The following ZNF211 variants were observed in gnomAD, a reference collection of about 807,000 sequenced individuals.
The protein encoded by ZNF211 is zinc finger protein C2H2-25.
ZNF211 carries 18 observed loss-of-function variants against 12.1 expected under a neutral mutation model. The ratio of observed to expected loss-of-function variants is 1.48; its 90% CI spans 1.03 to 2.20. The LOEUF (loss-of-function observed/expected upper bound fraction) is 2.20, where lower values mean the gene tolerates loss of function less well. Ranked by LOEUF, ZNF211 falls within the 30% of genes most tolerant of loss-of-function variation. The pLI is 0.00. For missense variants in ZNF211, 677 were observed against 703.1 expected, an observed-to-expected ratio of 0.96 and a Z score of 0.42; for synonymous variants, 249 against 246.0, an observed-to-expected ratio of 1.01 and a Z score of -0.11.
At position 57,642,235 on chromosome 19, in the gene ZNF211, C is replaced by G; in HGVS notation, c.*54C>G. ...AGTGTAATTATACTGAAGGAGTACA[C>G]CTGTGAGAGAGACAAGTACCTGATT... On this transcript the variant is annotated 3_prime_UTR_variant, in exon 4 of 4. Coordinates refer to ENST00000240731, the MANE Select transcript of ZNF211 (RefSeq NM_006385.5). 6.6e-7 allele frequency: 1 copy of G among 1,513,162 alleles called. No individual in the cohort carries two copies. Among genetic ancestry groups the G allele is most frequent in the Non-Finnish European group, 8.8e-7 (1 of 1,130,282 alleles). The allele number at this position is 1,513,162 out of a possible 1,614,324, so 93.7% of individuals were successfully genotyped here.
chr19:57,635,925 C>A (rs546451235), intron 3 of ZNF211, among the ~76,000 whole-genome samples: 1 of 152,258 alleles, frequency 6.6e-6, no homozygotes, highest in African/African-American at 2.4e-5. Flanking sequence ...GATAAGTCAT[C>A]CAAATTGGTG....
chr19:57,635,704 C>A (rs1982039660), intron 3 of ZNF211, among the ~76,000 whole-genome samples: 1 of 152,136 alleles, frequency 6.6e-6, no homozygotes, highest in Non-Finnish European at 1.5e-5. Context: ...CATGGGTGTA[C>A]AGATACGTAT....
At position 57,641,133 on chromosome 19, in the gene ZNF211, A is replaced by G; in HGVS notation, c.686A>G (p.Asn229Ser). The change falls in exon 4 of 4, where the codon AAC becomes AGC. Residue 229 changes from asparagine (N) to serine (S), a missense_variant. Coordinates refer to ENST00000240731, the MANE Select transcript of ZNF211 (RefSeq NM_006385.5). ...TQTGEKPNNSNKCAVAFYSGK... is the reference protein window; with the variant it reads ...TQTGEKPNNSSKCAVAFYSGK... ...ACAGGGGAGAAGCCAAATAACAGTAACAAGTGTGCGGTGGCCTTTTACAGT... is the reference window on the plus strand; with the variant it reads ...ACAGGGGAGAAGCCAAATAACAGTAGCAAGTGTGCGGTGGCCTTTTACAGT... 1 of 1,614,196 alleles carries G rather than the reference A, an allele frequency of 6.2e-7. No individual in the cohort carries two copies. The highest frequency in any genetic ancestry group is 1.1e-5 in the South Asian group (1 of 91,092).
chr19:57,641,795 A>T lies in ZNF211; in HGVS notation c.1348A>T (p.Ser450Cys). ...TAAATGTGGGAAGTCATTTAAGCAA[A>T]GCTCCAGCTTCAGTTCACATCGGAA... ...CSKCGKSFKQ[S>C]SSFSSHRKVH... Residue 450 changes from serine (S) to cysteine (C), a missense_variant, in exon 4 of 4, where the codon AGC becomes TGC. Physicochemically the swap from Ser to Cys is moderately radical, Grantham distance 112 (BLOSUM62 -1). Coordinates refer to ENST00000240731, the MANE Select transcript of ZNF211 (RefSeq NM_006385.5). 1 of 1,613,974 alleles carries T rather than the reference A, an allele frequency of 6.2e-7. No homozygotes were observed. Among genetic ancestry groups the T allele is most frequent in the Non-Finnish European group, 8.5e-7 (1 of 1,179,990 alleles).
Position 57,634,913 on chromosome 19 carries a change from A to G in ZNF211, c.256+158A>G, listed in dbSNP as rs1401172679. ...GACTGAGTGCAAGCCTACTTCCCTT[A>G]TCGTCCCAGCCCAAAAGCATCTTGG... On this transcript the variant is annotated intron_variant, in intron 3 of 3. Coordinates refer to ENST00000240731, the MANE Select transcript of ZNF211 (RefSeq NM_006385.5). The G allele has an allele frequency of 4.1e-6, 4 of 985,252 alleles. No homozygotes were observed. In the East Asian group the frequency reaches 3.4e-4, roughly 84 times the overall value. 61.0% of individuals were successfully genotyped at this position (985,252 alleles called of 1,614,324 possible).
At chr19:57,636,114 C>A (rs1982099662) in intron 3 of ZNF211, among the ~76,000 whole-genome samples, 1 of 151,964 alleles carries the variant, frequency 6.6e-6, no homozygotes, top group Non-Finnish European at 1.5e-5. Flanking sequence ...TTTTATTGAG[C>A]TTTAAGGGTT....
At chr19:57,637,118 T>C (rs1488207510) in intron 3 of ZNF211, among the ~76,000 whole-genome samples, 1 of 152,230 alleles carries the variant, frequency 6.6e-6, no homozygotes, top group Non-Finnish European at 1.5e-5. Context: ...TCCATGTATA[T>C]CATCTGTGAG....
In ZNF211 at chr19:57,633,357, T is replaced by A; in HGVS notation, c.11T>A (p.Phe4Tyr). 1.3e-6 allele frequency: 2 copies of A among 1,593,264 alleles called. No individual in the cohort carries two copies. Among genetic ancestry groups the A allele is most frequent in the South Asian group, 2.3e-5 (2 of 88,266 alleles). ...GGCCTGGGGATAGCGATGCTCGGGT[T>A]CCCCCCGGGTCGCCCGCAGCTCCCG... MLG[F>Y]PPGRPQLPVQ... is the part of the protein sequence containing the mutation. Residue 4 changes from phenylalanine to tyrosine, a missense_variant, in exon 1 of 4, where the codon TTC (phenylalanine) becomes TAC (tyrosine). Coordinates refer to ENST00000240731, the MANE Select transcript of ZNF211 (RefSeq NM_006385.5).
chr19:57,639,979 C>G (rs1385067061), intron 3 of ZNF211: 1 of 1,535,980 alleles, frequency 6.5e-7, no homozygotes, highest in South Asian at 1.2e-5. Flanking sequence ...CTGTTCTTCA[C>G]AGGATGTTCA....
In ZNF211 at chr19:57,640,922, A is replaced by G. The variant is rs1180153515; in HGVS notation, c.475A>G (p.Ile159Val). 2 of 1,614,126 alleles carry G rather than the reference A, an allele frequency of 1.2e-6. No homozygotes were observed. The highest frequency in any genetic ancestry group is 1.3e-5 in the African/African-American group (1 of 74,952). The change falls in exon 4 of 4, where the codon ATC (isoleucine) becomes GTC (valine). Residue 159 changes from isoleucine (I) to valine (V), a missense_variant. By Grantham distance (29) the Ile-to-Val change is conservative. Transcript: ENST00000240731. ...KLHTCGKQFY[I>V]SANLQQHQRQ... ...ACACACATGTGGAAAACAATTCTAC[A>G]TCAGTGCAAATCTTCAACAGCACCA...
At chr19:57,639,538 G>A (rs1469039905) in intron 3 of ZNF211, among the ~76,000 whole-genome samples, 1 of 145,702 alleles carries the variant, frequency 6.9e-6, no homozygotes, top group African/African-American at 2.6e-5. Context: ...TCCTGCCTCA[G>A]CCTCCTGAGT....
intron 3 of ZNF211, among the ~76,000 whole-genome samples, chr19:57,635,354 A>G (rs572822290): frequency 1.3e-5 from 2 of 152,202 alleles, no homozygotes; most frequent in Non-Finnish European, 2.9e-5. Flanking sequence ...ATCCTTCTAT[A>G]GTACTTTTTC....
rs1366837478 is a variant in ZNF211, at chr19:57,641,560, G to T, written c.1113G>T (p.Gln371His). 1 of 1,613,266 alleles carries T rather than the reference G, an allele frequency of 6.2e-7. No individual in the cohort carries two copies. The highest frequency in any genetic ancestry group is 1.3e-5 in the African/African-American group (1 of 74,652). Residue 371 changes from glutamine (Q) to histidine (H), a missense_variant, in exon 4 of 4, where the codon CAG becomes CAT. Physicochemically the swap from Gln to His is conservative, Grantham distance 24. Transcript: ENST00000240731. ...TTAGCCAAAGGTCCAACCTCATGCA[G>T]CATCGCAGAGTTCACACTGGAGAAA... ...KSFSQRSNLM[Q>H]HRRVHTGERP... is the part of the protein sequence containing the mutation.
At position 57,641,565 on chromosome 19, in the gene ZNF211, G is replaced by T; in HGVS notation, c.1118G>T (p.Arg373Leu). The change falls in exon 4 of 4, where the codon CGC becomes CTC. Residue 373 changes from arginine to leucine, a missense_variant. Physicochemically the swap from Arg to Leu is moderately radical, Grantham distance 102 (BLOSUM62 -2). Coordinates refer to ENST00000240731, the MANE Select transcript of ZNF211 (RefSeq NM_006385.5). The part of the protein sequence containing the change: ...FSQRSNLMQH[R>L]RVHTGERPYE... ...CAAAGGTCCAACCTCATGCAGCATC[G>T]CAGAGTTCACACTGGAGAAAGGCCT... The T allele has an allele frequency of 1.2e-6, 2 of 1,612,996 alleles. No individual in the cohort carries two copies. The highest frequency in any genetic ancestry group is 1.7e-6 in the Non-Finnish European group (2 of 1,179,746).
chr19:57,641,811 C>A lies in ZNF211; in HGVS notation c.1364C>A (p.Ser455Ter). ...TTTAAGCAAAGCTCCAGCTTCAGTTCACATCGGAAAGTCCACACAGGGGAA... is the reference window on the plus strand; with the variant it reads ...TTTAAGCAAAGCTCCAGCTTCAGTTAACATCGGAAAGTCCACACAGGGGAA... Reference protein sequence around the residue: ...KSFKQSSSFSSHRKVHTGERP... With the variant: ...KSFKQSSSFS Residue 455 changes from serine to a stop codon, truncating the protein, a stop_gained, in exon 4 of 4, where the codon TCA becomes TAA. Coordinates refer to ENST00000240731, the MANE Select transcript of ZNF211 (RefSeq NM_006385.5). LOFTEE classifies it low-confidence loss of function (END_TRUNC). The A allele has an allele frequency of 1.2e-6, 2 of 1,611,124 alleles. No homozygotes were observed. The highest frequency in any genetic ancestry group is 1.7e-6 in the Non-Finnish European group (2 of 1,179,256).
At chr19:57,634,985 AC>A (rs1981953304) in intron 3 of ZNF211, 1 of 984,732 alleles carries the variant, frequency 1.0e-6, no homozygotes, top group South Asian at 4.7e-5. Context: ...AATAGATCCC[AC>A]CTGACTTGCC....
intron 3 of ZNF211, among the ~76,000 whole-genome samples, chr19:57,638,195 G>A (rs529675894): frequency 3.9e-5 from 6 of 152,116 alleles, no homozygotes; most frequent in South Asian, 4.2e-4. Flanking sequence ...CACTGCACCC[G>A]GCCAGGTTTG....
intron 3 of ZNF211, among the ~76,000 whole-genome samples, chr19:57,639,318 A>C (rs1171977165): frequency 1.8e-5 from 2 of 113,538 alleles, no homozygotes; most frequent in East Asian, 5.4e-4. Context: ...TTTTGATCCT[A>C]ATTTCCTGCA....
In ZNF211 at chr19:57,641,402, G is replaced by T; in HGVS notation, c.955G>T (p.Val319Phe). 6.2e-7 allele frequency: 1 copy of T among 1,611,438 alleles called. No individual in the cohort carries two copies. Among genetic ancestry groups the T allele is most frequent in the South Asian group, 1.1e-5 (1 of 90,840 alleles). Residue 319 changes from valine to phenylalanine, a missense_variant, in exon 4 of 4, where the codon GTT becomes TTT. Val to Phe is a conservative substitution (Grantham distance 50). Coordinates refer to ENST00000240731, the MANE Select transcript of ZNF211 (RefSeq NM_006385.5). Reference protein sequence around the residue: ...YYSSFIIHQRVHTGERPYACP... With the variant: ...YYSSFIIHQRFHTGERPYACP... ...CTCCAGTTTCATTATACATCAGAGA[G>T]TTCATACTGGAGAAAGGCCTTATGC...
Sources: gnomAD v4.1 joint callset for allele counts (sites outside exome capture counted in the v4.1 genomes callset) on GRCh38, gnomAD v4.1.1 for gene constraint, MANE v1.5 for transcripts, NCBI Gene and HGNC (gene_info 2026-07-23, HGNC 2026-07-21) for gene names.